Variants in SLC4A1AP observed in about 807,000 individuals in gnomAD.
The protein encoded by SLC4A1AP is solute carrier family 4 member 1 adaptor protein.
A neutral mutation model predicts 89.7 loss-of-function variants in SLC4A1AP; 64 were observed. That is an observed-to-expected ratio of 0.71 (90% confidence interval 0.58 to 0.88). The LOEUF (loss-of-function observed/expected upper bound fraction) is 0.88, where lower values mean the gene tolerates loss of function less well. SLC4A1AP is among the 40% of genes least tolerant of loss of function. The pLI is 0.00. For synonymous variants in SLC4A1AP, 366 were observed against 353.3 expected, an observed-to-expected ratio of 1.04 and a Z score of -0.40; for missense variants, 931 against 965.0, an observed-to-expected ratio of 0.96 and a Z score of 0.47.
chr2:27,670,977 G>A (rs1217683476), intron 5 of SLC4A1AP, among the ~76,000 whole-genome samples: 3 of 131,046 alleles, frequency 2.3e-5, no homozygotes, highest in African/African-American at 9.4e-5. Flanking sequence ...AGACTGGAGT[G>A]CAGTGGCATG....
At chr2:27,671,823 C>G (rs946761727) in intron 5 of SLC4A1AP, among the ~76,000 whole-genome samples, 2 of 152,164 alleles carry the variant, frequency 1.3e-5, no homozygotes, top group Admixed American at 6.5e-5. Flanking sequence ...TTGGTCTACT[C>G]TCTTGTTTTG....
chr2:27,669,275 A>G (rs1572989332), exon 5 of SLC4A1AP: 2 of 1,612,156 alleles, frequency 1.2e-6, no homozygotes, highest in African/African-American at 1.3e-5. Flanking sequence ...CAACTGGAAA[A>G]CAACTGGTGG....
In SLC4A1AP at chr2:27,667,259, A is replaced by C. The variant is rs1463323208; in HGVS notation, c.1022-9A>C. The C allele has an allele frequency of 6.2e-7, 1 of 1,600,642 alleles. No homozygotes were observed. Among genetic ancestry groups the C allele is most frequent in the South Asian group, 1.1e-5 (1 of 88,778 alleles). ...TGATTATCTTTTCTTTCTTTTCCAT[A>C]TCCTGTAGGAGAAGATGCAGTAGAG... On this transcript the variant is annotated splice_polypyrimidine_tract_variant and intron_variant, in intron 2 of 13. Coordinates refer to ENST00000613058, the Ensembl canonical transcript of SLC4A1AP.
At chr2:27,686,307 C>G (rs993817111) in intron 10 of SLC4A1AP, among the ~76,000 whole-genome samples, 3 of 152,112 alleles carry the variant, frequency 2.0e-5, no homozygotes, top group African/African-American at 7.2e-5. Flanking sequence ...CAAAAAGGTA[C>G]TTACATGAGC....
chr2:27,665,248 T>C (rs1393031736), exon 2 of SLC4A1AP: 2 of 1,612,162 alleles, frequency 1.2e-6, no homozygotes, highest in East Asian at 2.2e-5. Flanking sequence ...GAAAGGAAGA[T>C]AAATGCTGGT....
chr2:27,668,953 G>A, intron 4 of SLC4A1AP, 50 bp downstream of exon 4: 2 of 1,530,518 alleles, frequency 1.3e-6, no homozygotes, highest in Non-Finnish European at 1.8e-6. Context: ...GCCAATTTCA[G>A]GTTTAATGTA....
intron 9 of SLC4A1AP, 64 bp from the exon 10 acceptor site, chr2:27,684,972 GA>G: frequency 5.3e-6 from 8 of 1,521,408 alleles, no homozygotes; most frequent in Non-Finnish European, 7.0e-6. Context: ...TGACCTCCTT[GA>G]AAAGATTTTT....
At chr2:27,684,965 C>A in intron 9 of SLC4A1AP, 72 bp from the exon 10 acceptor site, 21 of 1,498,432 alleles carry the variant, frequency 1.4e-5, no homozygotes, top group Non-Finnish European at 1.8e-5. Context: ...TTTAGACTGA[C>A]CTCCTTGAAA....
intron 12 of SLC4A1AP, among the ~76,000 whole-genome samples, chr2:27,689,218 A>C (rs1675751840): frequency 6.6e-6 from 1 of 152,142 alleles, no homozygotes; most frequent in Admixed American, 6.5e-5. Flanking sequence ...TTCCTTACAG[A>C]TGGACACTTG....
Position 27,665,083 on chromosome 2 carries a change from T to A in SLC4A1AP, c.826-17T>A. The A allele has an allele frequency of 6.3e-7, 1 of 1,589,290 alleles. No homozygotes were observed. Among genetic ancestry groups the A allele is most frequent in the Non-Finnish European group, 8.6e-7 (1 of 1,167,594 alleles). ...TCTCTAAATAAATAAATAACCTTTTTTTCCTTGGTTCATCAGGGACCAGAG... is the reference window on the plus strand; with the variant it reads ...TCTCTAAATAAATAAATAACCTTTTATTCCTTGGTTCATCAGGGACCAGAG... On this transcript the variant is annotated splice_polypyrimidine_tract_variant and intron_variant, in intron 1 of 13. Transcript: ENST00000613058.
chr2:27,677,798 G>T (rs1030595624), exon 8 of SLC4A1AP: 1 of 1,613,352 alleles, frequency 6.2e-7, no homozygotes, highest in African/African-American at 1.3e-5. Context: ...ATGAAATCAG[G>T]CAGTACATTA....
chr2:27,667,442 G>A, intron 3 of SLC4A1AP, 52 bp downstream of exon 3: 1 of 1,524,018 alleles, frequency 6.6e-7, no homozygotes, highest in Non-Finnish European at 8.8e-7. Flanking sequence ...GAGCAGTGTG[G>A]TTTTCTAGAG....
intron 7 of SLC4A1AP, 112 bp downstream of exon 7, chr2:27,677,476 G>A: frequency 1.3e-6 from 1 of 763,314 alleles, no homozygotes; most frequent in Non-Finnish European, 2.2e-6. Context: ...GCCTTTTAAA[G>A]GAGCAACATA....
intron 8 of SLC4A1AP, among the ~76,000 whole-genome samples, chr2:27,678,334 A>T (rs1376407833): frequency 6.6e-6 from 1 of 152,110 alleles, no homozygotes; most frequent in Non-Finnish European, 1.5e-5. Flanking sequence ...CACTTTCAAG[A>T]CCAGCCTGGG....
chr2:27,664,421 A>G (rs1572986717), exon 1 of SLC4A1AP: 1 of 1,614,190 alleles, frequency 6.2e-7, no homozygotes, highest in East Asian at 2.2e-5. Context: ...CTGACGGAGA[A>G]TGCGACAGCA....
At chr2:27,686,415 A>G (rs183910027) in intron 10 of SLC4A1AP, among the ~76,000 whole-genome samples, 6 of 152,344 alleles carry the variant, frequency 3.9e-5, no homozygotes, top group African/African-American at 1.2e-4. Flanking sequence ...GACCAAAGTA[A>G]GTATGTGTGT....
intron 12 of SLC4A1AP, 108 bp downstream of exon 12, chr2:27,688,875 T>C: frequency 1.4e-6 from 1 of 731,936 alleles, no homozygotes; most frequent in Non-Finnish European, 2.2e-6. Flanking sequence ...AGCAGCCTTA[T>C]TCCCCTCTCC....
chr2:27,676,357 A>G (rs1028537574), intron 6 of SLC4A1AP, among the ~76,000 whole-genome samples: 12 of 152,252 alleles, frequency 7.9e-5, no homozygotes, highest in African/African-American at 2.7e-4. Flanking sequence ...ATTAATTTAT[A>G]GTAGGATTCA....
chr2:27,668,871 A>AC lies in SLC4A1AP; in HGVS notation c.1174dup (p.Gln392ProfsTer4). On this transcript the variant is annotated frameshift_variant, in exon 4 of 14. Coordinates refer to ENST00000613058, the Ensembl canonical transcript of SLC4A1AP. LOFTEE classifies it high-confidence loss of function. Reference sequence around the variant, plus strand: ...AAGAATTAGAATATGAATTTGATGAACAGGGACATAGCACTTGGCTCTGCA... The same window carrying AC: ...AAGAATTAGAATATGAATTTGATGAACCAGGGACATAGCACTTGGCTCTGCA... 1 of 1,614,150 alleles carries AC rather than the reference A, an allele frequency of 6.2e-7. No homozygotes were observed. Among genetic ancestry groups the AC allele is most frequent in the Non-Finnish European group, 8.5e-7 (1 of 1,179,998 alleles).
Sources: allele counts gnomAD v4.1 joint callset (sites outside exome capture counted in the v4.1 genomes callset), GRCh38; gene constraint gnomAD v4.1.1; transcripts MANE v1.5; gene names NCBI Gene and HGNC (gene_info 2026-07-23, HGNC 2026-07-21).